Variants in C17orf67 observed in about 807,000 individuals in gnomAD.
The protein encoded by C17orf67 is chromosome 17 open reading frame 67.
C17orf67 carries 12 observed loss-of-function variants against 11.2 expected under a neutral mutation model. That is an observed-to-expected ratio of 1.07 (90% CI 0.68 to 1.73). C17orf67 has a LOEUF of 1.73. Among genes scored for constraint, C17orf67 ranks in the 40% most tolerant of loss-of-function variants. C17orf67 has a pLI of 0.00. For synonymous variants in C17orf67, 59 were observed against 46.9 expected (o/e 1.26, Z -1.05); for missense variants, 115 against 113.5 (o/e 1.01, Z -0.06).
chr17:56,810,981 C>T (rs1009632614), intron 6 of C17orf67, among the ~76,000 whole-genome samples: 4 of 152,158 alleles, frequency 2.6e-5, no homozygotes, highest in Admixed American at 1.3e-4. Context: ...AATGGTAAGT[C>T]GAGGATGTGG....
intron 6 of C17orf67, among the ~76,000 whole-genome samples, chr17:56,796,002 C>G (rs1448044558): frequency 1.3e-5 from 2 of 152,114 alleles, no homozygotes; most frequent in Non-Finnish European, 2.9e-5. Context: ...ATAAAATCAT[C>G]TTTTTTAAAA....
chr17:56,806,075 C>T (rs762603453), intron 6 of C17orf67, among the ~76,000 whole-genome samples: 7 of 147,610 alleles, frequency 4.7e-5, no homozygotes, highest in African/African-American at 1.0e-4. Context: ...CCCAGGTTCA[C>T]GCCATTCCCC....
At chr17:56,829,850 T>A (rs893279206) in intron 2 of C17orf67, among the ~76,000 whole-genome samples, 1 of 152,202 alleles carries the variant, frequency 6.6e-6, no homozygotes, top group African/African-American at 2.4e-5. Flanking sequence ...CTCAAGACAA[T>A]GCTCTGTAAA....
intron 7 of C17orf67, 49 bp downstream of exon 7, chr17:56,794,995 C>G: frequency 7.4e-7 from 1 of 1,348,440 alleles, no homozygotes; most frequent in Non-Finnish European, 1.1e-6. Flanking sequence ...GCCATGCTGT[C>G]CCCCACCACT....
At chr17:56,820,634 C>T (rs1000393002) in intron 4 of C17orf67, among the ~76,000 whole-genome samples, 1 of 152,060 alleles carries the variant, frequency 6.6e-6, no homozygotes, top group African/African-American at 2.4e-5. Context: ...AATGAAACAA[C>T]GTTGAAGGAA....
In C17orf67 at chr17:56,822,301, A is replaced by G. The variant is rs191189786; in HGVS notation, c.-201+2438T>C. Among the ~76,000 whole-genome samples the G allele has an allele frequency of 7.5e-4, 115 of 152,318 alleles. 2 individuals are homozygous for G. In the East Asian group the frequency reaches 0.014, roughly 18 times the overall value. On this transcript the variant is annotated intron_variant, in intron 4 of 7. Transcript: ENST00000397861. The stretch of plus-strand genomic sequence containing the variant: ...ATAATAGGCTCCTGCCAGAACATTC[A>G]TTCAAAAGTGACTGAGTTTCTACTG...
intron 2 of C17orf67, among the ~76,000 whole-genome samples, chr17:56,830,490 T>C (rs764383793): frequency 6.6e-6 from 1 of 152,254 alleles, no homozygotes; most frequent in Non-Finnish European, 1.5e-5. Context: ...ATAAATTACA[T>C]GGAGATGGTT....
intron 6 of C17orf67, among the ~76,000 whole-genome samples, chr17:56,799,010 C>T (rs909978730): frequency 2.6e-5 from 4 of 152,080 alleles, no homozygotes; most frequent in Non-Finnish European, 4.4e-5. Context: ...TGCAGAAATC[C>T]GTTCTCATGG....
intron 2 of C17orf67, among the ~76,000 whole-genome samples, chr17:56,827,997 G>A (rs752441723): frequency 6.6e-6 from 1 of 151,658 alleles, no homozygotes; most frequent in South Asian, 2.1e-4. Flanking sequence ...GCGAGATCAG[G>A]AGTTCGAGAT....
chr17:56,821,168 C>A (rs1026143406), intron 4 of C17orf67, among the ~76,000 whole-genome samples: 1 of 152,054 alleles, frequency 6.6e-6, no homozygotes, highest in Non-Finnish European at 1.5e-5. Context: ...AGTAATCCTA[C>A]CCCCTTGGCC....
At chr17:56,795,278 T>G in intron 6 of C17orf67, 98 bp from the exon 7 acceptor site, 1 of 1,057,544 alleles carries the variant, frequency 9.5e-7, no homozygotes, top group Middle Eastern at 2.0e-4. Flanking sequence ...CAGGGCAGGA[T>G]GGGAGGACAG....
chr17:56,825,042 T>G (rs527510513), intron 3 of C17orf67, 39 bp downstream of exon 3: 1 of 152,350 alleles, frequency 6.6e-6, no homozygotes, highest in South Asian at 2.1e-4. Flanking sequence ...TGTGACACAT[T>G]TCAAAATATA....
intron 6 of C17orf67, among the ~76,000 whole-genome samples, chr17:56,810,238 TCACA>T (rs768993597): frequency 1.6e-5 from 2 of 125,278 alleles, no homozygotes; most frequent in African/African-American, 3.2e-5. Context: ...ACATACATCC[TCACA>T]CACATGCATC....
chr17:56,811,141 C>A (rs1280374277), intron 6 of C17orf67, among the ~76,000 whole-genome samples: 1 of 152,158 alleles, frequency 6.6e-6, no homozygotes, highest in African/African-American at 2.4e-5. Context: ...CAGACTGGCA[C>A]CAGGAAACCT....
chr17:56,792,552 T>C (rs1358810187), intron 7 of C17orf67, among the ~76,000 whole-genome samples, 200 bp from the exon 8 acceptor site: 1 of 121,762 alleles, frequency 8.2e-6, no homozygotes, highest in Non-Finnish European at 1.8e-5. Flanking sequence ...GATGATGGTG[T>C]GGCAGTGATG....
rs1567802778 is a variant in C17orf67, at chr17:56,831,179, G to GT, written c.-557+1718dup. Among the ~76,000 whole-genome samples the GT allele has an allele frequency of 3.9e-5, 6 of 152,294 alleles. No individual in the cohort carries two copies. The East Asian group carries it at 1.2e-3, about 29-fold the overall frequency. On this transcript the variant is annotated intron_variant, in intron 2 of 7. Transcript: ENST00000397861. ...TGACAGTCATTCAAGGGTGAGAATG[G>GT]TGACAGCTGGACCAGGGGAGTAGTG... is the stretch of plus-strand genomic sequence containing the variant.
At chr17:56,796,473 T>C (rs1905215812) in intron 6 of C17orf67, among the ~76,000 whole-genome samples, 2 of 152,176 alleles carry the variant, frequency 1.3e-5, no homozygotes, top group Admixed American at 1.3e-4. Context: ...CCACACGGTG[T>C]ATGATTCTGT....
Position 56,814,891 on chromosome 17 carries a change from C to A in C17orf67, c.134G>T (p.Gly45Val). The change falls in exon 6 of 8, where the codon GGA (glycine) becomes GTA (valine). Residue 45 changes from glycine (G) to valine (V), a missense_variant. Transcript: ENST00000397861. Reference sequence around the variant, plus strand: ...CACCCGCATTGGCTCATCGGGGAATCCGGGTTTGCTTGGTCTATCCTGTCG... The same window carrying A: ...CACCCGCATTGGCTCATCGGGGAATACGGGTTTGCTTGGTCTATCCTGTCG... Reference protein sequence around the residue: ...SRRQDRPSKPGFPDEPMREYM... With the variant: ...SRRQDRPSKPVFPDEPMREYM... 6.2e-7 allele frequency: 1 copy of A among 1,614,086 alleles called. No individual in the cohort carries two copies. Among genetic ancestry groups the A allele is most frequent in the Non-Finnish European group, 8.5e-7 (1 of 1,179,972 alleles).
chr17:56,801,457 G>A (rs572871596), intron 6 of C17orf67, among the ~76,000 whole-genome samples: 1 of 152,038 alleles, frequency 6.6e-6, no homozygotes, highest in East Asian at 1.9e-4. Context: ...TACATCAAAT[G>A]TACTCATTTA....
Sources: allele counts gnomAD v4.1 joint callset (sites outside exome capture counted in the v4.1 genomes callset), GRCh38; gene constraint gnomAD v4.1.1; transcripts MANE v1.5; gene names NCBI Gene and HGNC (gene_info 2026-07-23, HGNC 2026-07-21).